The following ZNF660 variants were observed in gnomAD, a reference collection of about 807,000 sequenced individuals.
ZNF660 encodes zinc finger protein 660.
ZNF660 carries 24 observed loss-of-function variants against 23.2 expected under a neutral mutation model. That is an observed-to-expected ratio of 1.04 (90% CI 0.75 to 1.46). The LOEUF (loss-of-function observed/expected upper bound fraction) is 1.46. Ranked by LOEUF, ZNF660 falls within the 40% of genes most tolerant of loss-of-function variation. The pLI, the probability that ZNF660 is intolerant of heterozygous loss-of-function variation, is 0.00. For synonymous variants in ZNF660, 117 were observed against 131.4 expected (o/e 0.89, Z 0.75); for missense variants, 373 against 396.8 (o/e 0.94, Z 0.51).
chr3:44,589,828 G>A (rs1351184482), intron 2 of ZNF660, among the ~76,000 whole-genome samples: 4 of 152,080 alleles, frequency 2.6e-5, no homozygotes, highest in East Asian at 1.9e-4. Flanking sequence ...AATGTTGAGC[G>A]CTTACCATGT....
intron 2 of ZNF660, among the ~76,000 whole-genome samples, chr3:44,592,503 G>T (rs928360934): frequency 1.3e-5 from 2 of 152,108 alleles, no homozygotes; most frequent in Non-Finnish European, 2.9e-5. Flanking sequence ...CGTCAAACCA[G>T]TTGGGAAATT....
chr3:44,594,604 A>G lies in ZNF660; in HGVS notation c.411A>G (p.Lys137=). The G allele has an allele frequency of 1.2e-6, 2 of 1,613,704 alleles. No homozygotes were observed. The highest frequency in any genetic ancestry group is 1.7e-6 in the Non-Finnish European group (2 of 1,179,914). ...IHSGEKTYEC[K]ECGKAFSRSS... is the part of the protein sequence containing the mutation. Reference sequence around the variant, plus strand: ...GTGGGGAGAAAACTTATGAATGTAAAGAGTGTGGGAAAGCCTTTAGTCGGA... The same window carrying G: ...GTGGGGAGAAAACTTATGAATGTAAGGAGTGTGGGAAAGCCTTTAGTCGGA... Residue 137 remains lysine, a synonymous_variant, in exon 3 of 3, where the codon AAA becomes AAG. Coordinates refer to ENST00000322734, the MANE Select transcript of ZNF660 (RefSeq NM_173658.4).
chr3:44,588,839 C>T (rs113282296), intron 2 of ZNF660, among the ~76,000 whole-genome samples: 1 of 152,120 alleles, frequency 6.6e-6, no homozygotes, highest in Admixed American at 6.6e-5. Flanking sequence ...AATTTGCCTT[C>T]GTGATATATT....
At chr3:44,590,735 A>T (rs993833065) in intron 2 of ZNF660, among the ~76,000 whole-genome samples, 23 of 152,236 alleles carry the variant, frequency 1.5e-4, no homozygotes, top group Non-Finnish European at 4.4e-5. Flanking sequence ...ATTGAAAAGA[A>T]ATTCAGAAAA....
rs1700222105 is a variant in ZNF660 at position 44,586,232 on chromosome 3, T to C, written c.-181+19T>C. 6.6e-6 allele frequency: 1 copy of C among 152,228 alleles called. No homozygotes were observed. Among genetic ancestry groups the C allele is most frequent in the African/African-American group, 2.4e-5 (1 of 41,432 alleles). The allele number at this position is 152,228 out of a possible 1,614,324, so 9.4% of individuals were successfully genotyped here. A position where few individuals can be genotyped will look rare whatever the true frequency, so the allele number is the denominator to read the frequency against. The stretch of plus-strand genomic sequence containing the variant: ...AATATGGGTGAGTCATTCCATTCTC[T>C]CCTGGGCAGGTGAGGCCTAGATTGT... On this transcript the variant is annotated intron_variant, in intron 2 of 2. Transcript: ENST00000322734.
At chr3:44,588,061 A>G (rs1260906669) in intron 2 of ZNF660, among the ~76,000 whole-genome samples, 2 of 152,308 alleles carry the variant, frequency 1.3e-5, no homozygotes, top group Admixed American at 6.5e-5. Context: ...GTCTCAGAAA[A>G]AAAGAAAGAA....
intron 2 of ZNF660, among the ~76,000 whole-genome samples, chr3:44,592,004 C>CA (rs1298087035): frequency 3.3e-5 from 5 of 150,362 alleles, no homozygotes; most frequent in East Asian, 1.9e-4. Flanking sequence ...TCTCAAAAAA[C>CA]AAAAAAAAAT....
Position 44,594,595 on chromosome 3 carries a change from T to C in ZNF660, c.402T>C (p.Tyr134=), listed in dbSNP as rs2125754025. The C allele has an allele frequency of 2.5e-6, 4 of 1,614,166 alleles. No homozygotes were observed. The highest frequency in any genetic ancestry group is 3.4e-6 in the Non-Finnish European group (4 of 1,180,036). Residue 134 remains tyrosine, a synonymous_variant, in exon 3 of 3, where the codon TAT becomes TAC. Transcript: ENST00000322734. ...GAATCCACAGTGGGGAGAAAACTTA[T>C]GAATGTAAAGAGTGTGGGAAAGCCT... is the stretch of plus-strand genomic sequence containing the variant. ...HQGIHSGEKT[Y]ECKECGKAFS... is the part of the protein sequence containing the mutation.
In ZNF660 at chr3:44,589,154, C is replaced by T. The variant is rs528720469; in HGVS notation, c.-181+2941C>T. ...CAGACCCTCCAGTGTTCACCTGTAC[C>T]GCATGACTAGTGTTGTCTCCTAATT... On this transcript the variant is annotated intron_variant, in intron 2 of 2. Coordinates refer to ENST00000322734, the MANE Select transcript of ZNF660 (RefSeq NM_173658.4). Among the ~76,000 whole-genome samples, 228 of 152,296 alleles carry T rather than the reference C, an allele frequency of 1.5e-3. 2 individuals are homozygous for T. Among genetic ancestry groups the T allele is most frequent in the African/African-American group, 5.1e-3 (210 of 41,546 alleles).
intron 2 of ZNF660, among the ~76,000 whole-genome samples, chr3:44,592,657 C>A (rs554414858): frequency 1.4e-4 from 22 of 152,200 alleles, no homozygotes; most frequent in Non-Finnish European, 2.9e-4. Flanking sequence ...CTTTAACTAA[C>A]CTTCTTTCCC....
chr3:44,587,605 C>G (rs1263769018), intron 2 of ZNF660, among the ~76,000 whole-genome samples: 1 of 152,144 alleles, frequency 6.6e-6, no homozygotes, highest in African/African-American at 2.4e-5. Flanking sequence ...TCTTTTTGAT[C>G]AAACTCTCCT....
intron 2 of ZNF660, among the ~76,000 whole-genome samples, chr3:44,589,034 A>G (rs370398736): frequency 1.2e-4 from 19 of 152,132 alleles, no homozygotes; most frequent in Admixed American, 9.2e-4. Context: ...GCTAGACTTC[A>G]TTGTTCTCTG....
chr3:44,593,196 C>G (rs1010025713), intron 2 of ZNF660, among the ~76,000 whole-genome samples: 1 of 152,144 alleles, frequency 6.6e-6, no homozygotes, highest in Non-Finnish European at 1.5e-5. Flanking sequence ...GGGTCTAGTA[C>G]CTGGACCTTG....
At chr3:44,593,855 C>T (rs1700517890) in intron 2 of ZNF660, among the ~76,000 whole-genome samples, 159 bp from the exon 3 acceptor site, 1 of 152,126 alleles carries the variant, frequency 6.6e-6, no homozygotes, top group African/African-American at 2.4e-5. Context: ...TTTACATTGG[C>T]CTCTATGTTT....
chr3:44,594,003 T>C lies in ZNF660; in HGVS notation c.-180-11T>C. 1.4e-6 allele frequency: 1 copy of C among 736,222 alleles called. No homozygotes were observed. The highest frequency in any genetic ancestry group is 2.8e-5 in the East Asian group (1 of 35,444). The allele number at this position is 736,222 out of a possible 1,614,324, so 45.6% of individuals were successfully genotyped here. The stretch of plus-strand genomic sequence containing the variant: ...ATAGGTGACATGTGCAATTTCTGTT[T>C]CTCCTGTCAGATGGTGAAACTGGGA... On this transcript the variant is annotated splice_polypyrimidine_tract_variant and intron_variant, in intron 2 of 2. Transcript: ENST00000322734.
At chr3:44,590,058 C>T (rs540204537) in intron 2 of ZNF660, among the ~76,000 whole-genome samples, 2 of 149,700 alleles carry the variant, frequency 1.3e-5, no homozygotes, top group East Asian at 4.0e-4. Context: ...TCATTCCATG[C>T]CTTAGTAATT....
intron 2 of ZNF660, among the ~76,000 whole-genome samples, chr3:44,587,639 G>A (rs542387735): frequency 6.6e-6 from 1 of 152,314 alleles, no homozygotes; most frequent in Non-Finnish European, 1.5e-5. Context: ...TTGATCTCCT[G>A]TCTGGTCCTG....
At chr3:44,588,589 C>T (rs1700308913) in intron 2 of ZNF660, among the ~76,000 whole-genome samples, 1 of 151,938 alleles carries the variant, frequency 6.6e-6, no homozygotes, top group African/African-American at 2.4e-5. Context: ...GATCATAGCT[C>T]ACTGCAGCCT....
Position 44,588,051 on chromosome 3 carries a change from G to A in ZNF660, c.-181+1838G>A, listed in dbSNP as rs564788676. On this transcript the variant is annotated intron_variant, in intron 2 of 2. Transcript: ENST00000322734. ...GCCTAGGCAACAAGAGCGAAACTTC[G>A]TCTCAGAAAAAAAGAAAGAAAGAAA... Among the ~76,000 whole-genome samples, 6 of 152,024 alleles carry A rather than the reference G, an allele frequency of 3.9e-5. No homozygotes were observed. In the East Asian group the frequency reaches 5.8e-4, roughly 15 times the overall value.
Sources: gnomAD v4.1 joint callset for allele counts (sites outside exome capture counted in the v4.1 genomes callset) on GRCh38, gnomAD v4.1.1 for gene constraint, MANE v1.5 for transcripts, NCBI Gene and HGNC (gene_info 2026-07-23, HGNC 2026-07-21) for gene names.